The following SVOPL variants were observed in gnomAD, a reference collection of about 807,000 sequenced individuals.
The protein encoded by SVOPL is putative transporter SVOPL.
In SVOPL, 60 loss-of-function variants were observed where a neutral mutation model predicts 61.0. The observed-to-expected ratio is 0.98, with a 90% CI of 0.80 to 1.22. The LOEUF is 1.22. Among genes scored for constraint, SVOPL ranks in the 50% most tolerant of loss-of-function variants. The pLI, the probability that SVOPL is intolerant of heterozygous loss-of-function variation, is 0.00. For synonymous variants in SVOPL, 279 were observed against 250.0 expected, an observed-to-expected ratio of 1.12 and a Z score of -1.09; for missense variants, 662 against 643.9, an observed-to-expected ratio of 1.03 and a Z score of -0.30.
intron 8 of SVOPL, among the ~76,000 whole-genome samples, chr7:138,648,608 TG>T (rs1386586161): frequency 6.6e-6 from 1 of 150,742 alleles, no homozygotes; most frequent in Admixed American, 6.6e-5. Flanking sequence ...CTCAGGAGTC[TG>T]AGGCAGGAGA....
intron 8 of SVOPL, among the ~76,000 whole-genome samples, chr7:138,647,923 T>G (rs539758690): frequency 6.6e-6 from 1 of 151,828 alleles, no homozygotes; most frequent in Non-Finnish European, 1.5e-5. Context: ...CTACATGGGA[T>G]GCCTGTATTG....
chr7:138,619,217 G>A (rs1298128194), intron 14 of SVOPL, among the ~76,000 whole-genome samples: 1 of 152,122 alleles, frequency 6.6e-6, no homozygotes, highest in African/African-American at 2.4e-5. Context: ...AGGCCAGCCT[G>A]AGCAACATAG....
At chr7:138,626,522 A>G (rs1563099927) in intron 12 of SVOPL, among the ~76,000 whole-genome samples, 1 of 152,238 alleles carries the variant, frequency 6.6e-6, no homozygotes, top group East Asian at 1.9e-4. Flanking sequence ...CCTCTTGGGT[A>G]GCTGGGACTA....
chr7:138,628,399 G>A, intron 10 of SVOPL, 36 bp from the exon 11 acceptor site: 1 of 1,603,280 alleles, frequency 6.2e-7, no homozygotes, highest in South Asian at 1.1e-5. Flanking sequence ...AGCCAACGCT[G>A]ACACCAGACC....
chr7:138,629,802 T>C (rs1800089251), intron 10 of SVOPL, among the ~76,000 whole-genome samples: 1 of 152,224 alleles, frequency 6.6e-6, no homozygotes, highest in South Asian at 2.1e-4. Flanking sequence ...AGTGAACTCA[T>C]ATGCTCACAA....
At chr7:138,618,179 T>C (rs922062425) in intron 14 of SVOPL, among the ~76,000 whole-genome samples, 2 of 152,202 alleles carry the variant, frequency 1.3e-5, no homozygotes, top group Admixed American at 6.5e-5. Context: ...AGTTAAATTA[T>C]TGAGAAGTAT....
chr7:138,672,032 G>A lies in SVOPL; in HGVS notation c.260C>T (p.Ala87Val), dbSNP rs1226083489. Residue 87 changes from alanine to valine, a missense_variant, in exon 4 of 16, where the codon GCA (alanine) becomes GTA (valine). By Grantham distance (64) the Ala-to-Val change is moderately conservative (BLOSUM62 0). Coordinates refer to ENST00000674285, the MANE Select transcript of SVOPL (RefSeq NM_001139456.2). ...CEWQLENWQVALVTTMVFFGY... is the reference protein window; with the variant it reads ...CEWQLENWQVVLVTTMVFFGY... The stretch of plus-strand genomic sequence containing the variant: ...GCAGGTACTTACCGTGGTTACTAAT[G>A]CCACCTGCCAATTCTCCAGTTGCCA... 4 of 1,551,506 alleles carry A rather than the reference G, an allele frequency of 2.6e-6. No individual in the cohort carries two copies. Among genetic ancestry groups the A allele is most frequent in the Non-Finnish European group, 3.5e-6 (4 of 1,146,980 alleles).
chr7:138,694,532 C>A (rs1025342775), intron 1 of SVOPL, among the ~76,000 whole-genome samples: 1 of 152,028 alleles, frequency 6.6e-6, no homozygotes, highest in Non-Finnish European at 1.5e-5. Context: ...AGGCATGAGC[C>A]ACCGTGCTGA....
intron 13 of SVOPL, among the ~76,000 whole-genome samples, chr7:138,622,130 CTATCTATG>C (rs1799652558): frequency 2.6e-4 from 22 of 85,764 alleles, no homozygotes; most frequent in African/African-American, 5.1e-4. Context: ...ATGTATCTAT[CTATCTATG>C]TATCTATCTA....
intron 9 of SVOPL, among the ~76,000 whole-genome samples, chr7:138,631,143 G>A (rs1800166433): frequency 6.6e-6 from 1 of 152,102 alleles, no homozygotes; most frequent in Non-Finnish European, 1.5e-5. Flanking sequence ...AGATTTTGTT[G>A]TCACAGAAAG....
chr7:138,627,443 A>G lies in SVOPL; in HGVS notation c.1088T>C (p.Leu363Pro), dbSNP rs1431237323. The G allele has an allele frequency of 1.2e-6, 2 of 1,613,614 alleles. No homozygotes were observed. Among genetic ancestry groups the G allele is most frequent in the Non-Finnish European group, 1.7e-6 (2 of 1,179,560 alleles). The change falls in exon 12 of 16, where the codon CTG (leucine) becomes CCG (proline). Residue 363 changes from leucine (L) to proline (P), a missense_variant. Leu to Pro is a moderately conservative substitution (Grantham distance 98). Coordinates refer to ENST00000674285, the MANE Select transcript of SVOPL (RefSeq NM_001139456.2). ...CCGTCTTCCCAGGAAATTGATGCCC[A>G]GTATATTTAAAGGATTCACTAGAAA... ...GEIALNPLNI[L>P]GINFLGRRLS...
chr7:138,655,219 G>A (rs1801663697), intron 7 of SVOPL, among the ~76,000 whole-genome samples: 1 of 151,838 alleles, frequency 6.6e-6, no homozygotes, highest in Non-Finnish European at 1.5e-5. Context: ...AAAAATCAGA[G>A]CCAGCTGGGC....
chr7:138,663,359 GC>G, intron 4 of SVOPL: 1 of 1,409,166 alleles, frequency 7.1e-7, no homozygotes, highest in Non-Finnish European at 9.2e-7. Context: ...GGCAGATCCT[GC>G]CCCAGGTGGA....
At position 138,643,007 on chromosome 7, in the gene SVOPL, T is replaced by C. The variant is rs564170105; in HGVS notation, c.789+1710A>G. 6.9e-4 allele frequency among the ~76,000 whole-genome samples: 105 copies of C among 152,160 alleles called. 2 individuals are homozygous for C. In the South Asian group the frequency reaches 0.019, roughly 28 times the overall value. ...GTGAAACTGGATCCCTTGTGCACTG[T>C]TGGTGGGAATGTAAAATGGTTCAGC... On this transcript the variant is annotated intron_variant, in intron 9 of 15. Transcript: ENST00000674285.
At chr7:138,672,673 AAAG>A (rs1214530411) in intron 3 of SVOPL, among the ~76,000 whole-genome samples, 3 of 150,454 alleles carry the variant, frequency 2.0e-5, no homozygotes, top group Non-Finnish European at 4.4e-5. Context: ...AAAAAAAAAA[AAAG>A]AAGCAATGGG....
rs147071589 is a variant in SVOPL, at chr7:138,658,977, C to T, written c.470+887G>A. On this transcript the variant is annotated intron_variant, in intron 6 of 15. Transcript: ENST00000674285. ...ATTTAACCTGAAAGACTGGTTCAGGCCACGACAGGAAGTGGGGTCGGACAT... is the reference window on the plus strand; with the variant it reads ...ATTTAACCTGAAAGACTGGTTCAGGTCACGACAGGAAGTGGGGTCGGACAT... Among the ~76,000 whole-genome samples, 1,208 of 151,336 alleles carry T rather than the reference C, an allele frequency of 8.0e-3. 10 individuals carry two copies. The highest frequency in any genetic ancestry group is 0.028 in the African/African-American group (1,146 of 41,288).
intron 14 of SVOPL, among the ~76,000 whole-genome samples, chr7:138,619,046 A>G (rs116831195): frequency 2.6e-4 from 39 of 152,246 alleles, no homozygotes; most frequent in African/African-American, 9.1e-4. Context: ...GTGGTCAAGA[A>G]CTCAATTCCT....
intron 9 of SVOPL, among the ~76,000 whole-genome samples, chr7:138,641,080 A>C (rs900237433): frequency 1.3e-5 from 2 of 151,988 alleles, no homozygotes; most frequent in Non-Finnish European, 2.9e-5. Context: ...GCGCACACCT[A>C]TGGTCCTAGC....
At chr7:138,634,835 T>C (rs967913550) in intron 9 of SVOPL, among the ~76,000 whole-genome samples, 2 of 151,006 alleles carry the variant, frequency 1.3e-5, no homozygotes, top group African/African-American at 4.9e-5. Context: ...CATGGTGGCA[T>C]ACACCTGTAG....
Sources: allele counts gnomAD v4.1 joint callset (sites outside exome capture counted in the v4.1 genomes callset), GRCh38; gene constraint gnomAD v4.1.1; transcripts MANE v1.5; gene names NCBI Gene and HGNC (gene_info 2026-07-23, HGNC 2026-07-21).